The following NKAIN2 variants were observed in gnomAD, a reference collection of about 807,000 sequenced individuals.
NKAIN2 encodes the protein sodium/potassium-transporting ATPase subunit beta-1-interacting protein 2.
A neutral mutation model predicts 32.6 loss-of-function variants in NKAIN2; 14 were observed. That is an observed-to-expected ratio of 0.43 (90% confidence interval 0.28 to 0.67). NKAIN2 has a LOEUF of 0.67. Among genes scored for constraint, NKAIN2 ranks in the 30% least tolerant of loss-of-function variants. NKAIN2 has a pLI of 0.17. For synonymous variants in NKAIN2, 80 were observed against 87.2 expected (o/e 0.92, Z 0.46); for missense variants, 198 against 258.3 (o/e 0.77, Z 1.60).
chr6:124,476,063 AGAGTGTGTGT>A (rs1186413399), intron 3 of NKAIN2, among the ~76,000 whole-genome samples: 75 of 115,114 alleles, frequency 6.5e-4, no homozygotes, highest in South Asian at 1.9e-3. Context: ...AGAGAGAGAG[AGAGTGTGTGT>A]GTGTGTGTGT....
chr6:123,831,340 T>C (rs1398138591), intron 1 of NKAIN2, among the ~76,000 whole-genome samples: 1 of 151,724 alleles, frequency 6.6e-6, no homozygotes, highest in African/African-American at 2.4e-5. Context: ...ATGCATATTG[T>C]GTAATATTTA....
intron 2 of NKAIN2, among the ~76,000 whole-genome samples, chr6:124,348,219 G>C (rs1288236237): frequency 1.3e-5 from 2 of 152,082 alleles, no homozygotes; most frequent in East Asian, 3.9e-4. Context: ...GTTGTACCCG[G>C]CTGTGTGAGG....
intron 1 of NKAIN2, among the ~76,000 whole-genome samples, chr6:124,218,107 A>G (rs1791586051): frequency 6.6e-6 from 1 of 152,020 alleles, no homozygotes; most frequent in Admixed American, 6.6e-5. Flanking sequence ...AAAAAAGTGG[A>G]AAAGGCATTA....
At chr6:124,271,240 CAG>C (rs1794750836) in intron 1 of NKAIN2, among the ~76,000 whole-genome samples, 1 of 151,878 alleles carries the variant, frequency 6.6e-6, no homozygotes, top group Non-Finnish European at 1.5e-5. Flanking sequence ...TTTTTTGAGA[CAG>C]AGTCTTGCTT....
rs965391180 is a variant in NKAIN2, at chr6:124,662,114, C to T, written c.474+3728C>T. Among the ~76,000 whole-genome samples, 8 of 152,178 alleles carry T rather than the reference C, an allele frequency of 5.3e-5. No homozygotes were observed. The South Asian group carries it at 1.2e-3, about 24-fold the overall frequency. ...CAGCAGCTGATGGATAATGGATTCCCGGAGTGTAAAAATTCAGGGTTCTTG... is the reference window on the plus strand; with the variant it reads ...CAGCAGCTGATGGATAATGGATTCCTGGAGTGTAAAAATTCAGGGTTCTTG... On this transcript the variant is annotated intron_variant, in intron 4 of 6. Coordinates refer to ENST00000368417, the MANE Select transcript of NKAIN2 (RefSeq NM_001040214.3).
chr6:123,916,327 ACTGCAAC>A (rs1423048998), intron 1 of NKAIN2, among the ~76,000 whole-genome samples: 1 of 152,162 alleles, frequency 6.6e-6, no homozygotes, highest in Non-Finnish European at 1.5e-5. Flanking sequence ...ATCTCGGCAC[ACTGCAAC>A]CTCCACCTCC....
intron 3 of NKAIN2, among the ~76,000 whole-genome samples, chr6:124,583,091 T>G (rs919929399): frequency 7.2e-5 from 11 of 151,990 alleles, no homozygotes; most frequent in Non-Finnish European, 1.2e-4. Context: ...GCCACTATTA[T>G]TCAACATAAT....
chr6:124,707,531 T>C (rs1775158336), intron 4 of NKAIN2, among the ~76,000 whole-genome samples: 1 of 131,270 alleles, frequency 7.6e-6, no homozygotes, highest in South Asian at 2.4e-4. Context: ...ATGATTGCCA[T>C]TTTAACTGGT....
At chr6:124,792,737 C>G (rs1225750870) in intron 5 of NKAIN2, among the ~76,000 whole-genome samples, 3 of 151,886 alleles carry the variant, frequency 2.0e-5, no homozygotes, top group East Asian at 1.9e-4. Context: ...GAGGGGTGGT[C>G]CCAGGCAAAA....
At chr6:124,820,713 T>A (rs1781358920) in intron 6 of NKAIN2, among the ~76,000 whole-genome samples, 1 of 152,158 alleles carries the variant, frequency 6.6e-6, no homozygotes, top group South Asian at 2.1e-4. Context: ...GAGGGAACAT[T>A]ACTGCCTAAG....
chr6:124,211,191 A>G (rs946715508), intron 1 of NKAIN2, among the ~76,000 whole-genome samples: 1 of 151,912 alleles, frequency 6.6e-6, no homozygotes, highest in Non-Finnish European at 1.5e-5. Context: ...TAAGAATCCC[A>G]AAATCTGCCA....
intron 1 of NKAIN2, among the ~76,000 whole-genome samples, chr6:123,833,596 T>C (rs1178764209): frequency 6.6e-6 from 1 of 152,154 alleles, no homozygotes; most frequent in Non-Finnish European, 1.5e-5. Flanking sequence ...TGATTTTGTT[T>C]TTGTAGTTTT....
intron 1 of NKAIN2, among the ~76,000 whole-genome samples, chr6:124,124,484 ACTT>A (rs988171068): frequency 2.0e-5 from 3 of 152,156 alleles, no homozygotes; most frequent in African/African-American, 4.8e-5. Context: ...TAATATAGCT[ACTT>A]CTTTTTTCCT....
At chr6:124,620,248 C>A (rs561355348) in intron 3 of NKAIN2, among the ~76,000 whole-genome samples, 1 of 152,188 alleles carries the variant, frequency 6.6e-6, no homozygotes, top group South Asian at 2.1e-4. Flanking sequence ...ATGATGCAGG[C>A]AAAATTCACA....
intron 1 of NKAIN2, among the ~76,000 whole-genome samples, chr6:123,923,209 T>A (rs1297434416): frequency 6.6e-6 from 1 of 152,220 alleles, no homozygotes; most frequent in African/African-American, 2.4e-5. Context: ...CCATATTACT[T>A]TGAGGAAACA....
rs369382829 is a variant in NKAIN2, at chr6:124,271,249, G to A, written c.55-11756G>A. ...TTATTTTTTTTTGAGACAGAGTCTTGCTTGTCACCCAGGCTGGAGTGCAGT... is the reference window on the plus strand; with the variant it reads ...TTATTTTTTTTTGAGACAGAGTCTTACTTGTCACCCAGGCTGGAGTGCAGT... On this transcript the variant is annotated intron_variant, in intron 1 of 6. Coordinates refer to ENST00000368417, the MANE Select transcript of NKAIN2 (RefSeq NM_001040214.3). Among the ~76,000 whole-genome samples the A allele has an allele frequency of 3.3e-5, 5 of 152,106 alleles. No homozygotes were observed. In the East Asian group the frequency reaches 9.7e-4, roughly 29 times the overall value.
chr6:124,240,158 A>C (rs1206217375), intron 1 of NKAIN2, among the ~76,000 whole-genome samples: 1 of 152,116 alleles, frequency 6.6e-6, no homozygotes, highest in African/African-American at 2.4e-5. Flanking sequence ...AAATGGATAA[A>C]TTCCTGGACA....
At chr6:124,378,724 G>A (rs1175846308) in intron 3 of NKAIN2, among the ~76,000 whole-genome samples, 2 of 152,000 alleles carry the variant, frequency 1.3e-5, no homozygotes, top group Non-Finnish European at 2.9e-5. Context: ...GGATGGTGGG[G>A]AAGAGAATGT....
chr6:124,626,233 G>A (rs1783337316), intron 3 of NKAIN2, among the ~76,000 whole-genome samples: 1 of 151,616 alleles, frequency 6.6e-6, no homozygotes, highest in South Asian at 2.1e-4. Context: ...TGAACTTAGT[G>A]GAAATATAGT....
Sources: gnomAD v4.1 joint callset for allele counts (sites outside exome capture counted in the v4.1 genomes callset) on GRCh38, gnomAD v4.1.1 for gene constraint, MANE v1.5 for transcripts, NCBI Gene and HGNC (gene_info 2026-07-23, HGNC 2026-07-21) for gene names.